Variants in PARD3B observed in about 807,000 individuals in gnomAD.
The protein encoded by PARD3B is partitioning defective 3 homolog B.
A neutral mutation model predicts 130.2 loss-of-function variants in PARD3B; 103 were observed. The ratio of observed to expected loss-of-function variants is 0.79; its 90% CI spans 0.67 to 0.93. The LOEUF is 0.93. Among genes scored for constraint, PARD3B ranks in the 40% least tolerant of loss-of-function variants. The pLI, the probability that PARD3B is intolerant of heterozygous loss-of-function variation, is 0.00. For missense variants in PARD3B, 1,609 were observed against 1,499.2 expected, an observed-to-expected ratio of 1.07 and a Z score of -1.21; for synonymous variants, 583 against 553.2, an observed-to-expected ratio of 1.05 and a Z score of -0.76.
intron 19 of PARD3B, among the ~76,000 whole-genome samples, chr2:205,414,255 A>G (rs774243692): frequency 1.3e-5 from 2 of 152,138 alleles, no homozygotes; most frequent in Non-Finnish European, 2.9e-5. Flanking sequence ...TTTCTAATCT[A>G]TATTCTCCTG....
At chr2:204,807,626 T>C (rs1444024677) in intron 2 of PARD3B, among the ~76,000 whole-genome samples, 1 of 152,116 alleles carries the variant, frequency 6.6e-6, no homozygotes, top group Non-Finnish European at 1.5e-5. Context: ...AAAGAAAATG[T>C]AGTGCATATA....
At chr2:205,582,584 A>G (rs556773473) in intron 22 of PARD3B, among the ~76,000 whole-genome samples, 69 of 152,188 alleles carry the variant, frequency 4.5e-4, no homozygotes, top group Non-Finnish European at 6.8e-4. Context: ...TAAATTCTCT[A>G]GACTAGATTA....
chr2:204,933,415 A>G (rs1028951558), intron 2 of PARD3B, among the ~76,000 whole-genome samples: 1 of 152,214 alleles, frequency 6.6e-6, no homozygotes, highest in Non-Finnish European at 1.5e-5. Context: ...GTAATTGGAA[A>G]TAGAGGAGTT....
intron 2 of PARD3B, among the ~76,000 whole-genome samples, chr2:204,894,448 T>G (rs966724287): frequency 1.3e-5 from 2 of 152,040 alleles, no homozygotes; most frequent in African/African-American, 4.8e-5. Flanking sequence ...TTTTTACTTT[T>G]TTTTTTTCAT....
intron 5 of PARD3B, among the ~76,000 whole-genome samples, chr2:205,109,765 T>A (rs1329607304): frequency 6.6e-6 from 1 of 151,472 alleles, no homozygotes; most frequent in Non-Finnish European, 1.5e-5. Context: ...GTGATTCTTA[T>A]GCCTCAGCCT....
intron 18 of PARD3B, among the ~76,000 whole-genome samples, chr2:205,333,008 CAG>C (rs2043191265): frequency 2.6e-5 from 4 of 151,990 alleles, no homozygotes; most frequent in Admixed American, 2.6e-4. Context: ...GAGTAGTAAA[CAG>C]ATTAATAGAA....
At chr2:205,219,415 C>G (rs938120372) in intron 15 of PARD3B, among the ~76,000 whole-genome samples, 6 of 152,140 alleles carry the variant, frequency 3.9e-5, no homozygotes, top group African/African-American at 1.4e-4. Flanking sequence ...TTAATAAACT[C>G]TAATAAACAA....
intron 10 of PARD3B, among the ~76,000 whole-genome samples, chr2:205,149,151 T>G (rs1359400076): frequency 6.6e-6 from 1 of 152,216 alleles, no homozygotes; most frequent in Non-Finnish European, 1.5e-5. Flanking sequence ...TCCATCTTCC[T>G]TCCTCTCTTT....
intron 2 of PARD3B, among the ~76,000 whole-genome samples, chr2:204,840,095 T>G (rs1052321793): frequency 2.0e-5 from 3 of 152,192 alleles, no homozygotes; most frequent in African/African-American, 7.2e-5. Context: ...TTATACAATT[T>G]ATACAATTTA....
intron 1 of PARD3B, among the ~76,000 whole-genome samples, chr2:204,584,711 G>C (rs539028127): frequency 6.6e-6 from 1 of 152,296 alleles, no homozygotes; most frequent in East Asian, 1.9e-4. Context: ...TTTTATAGAT[G>C]AGAAGATTCA....
intron 10 of PARD3B, among the ~76,000 whole-genome samples, chr2:205,157,333 A>T (rs183075438): frequency 1.5e-4 from 23 of 152,328 alleles, no homozygotes; most frequent in Admixed American, 1.4e-3. Flanking sequence ...GTAATAATAT[A>T]ATGAGTTAGC....
At chr2:205,206,250 T>A (rs1426828233) in intron 15 of PARD3B, among the ~76,000 whole-genome samples, 1 of 149,934 alleles carries the variant, frequency 6.7e-6, no homozygotes. Context: ...AGTTTTAGGG[T>A]ACATGTGCAC....
intron 20 of PARD3B, among the ~76,000 whole-genome samples, chr2:205,497,787 A>T (rs529453767): frequency 2.0e-4 from 30 of 152,106 alleles, no homozygotes; most frequent in Non-Finnish European, 3.4e-4. Flanking sequence ...CCCGTGAAAC[A>T]TAAGTGTCAT....
rs2040628647 is a variant in PARD3B, at chr2:205,269,329, T to C, written c.2185+23507T>C. On this transcript the variant is annotated intron_variant, in intron 16 of 22. Coordinates refer to ENST00000406610, the MANE Select transcript of PARD3B (RefSeq NM_001302769.2). The surrounding 1 kb of genome is among the most constrained non-coding windows in gnomAD (Gnocchi z 4.7). The stretch of plus-strand genomic sequence containing the variant: ...ATAATGACATACTCTTATAATTAAA[T>C]AGACTTATTTCAAACTGTTTCCCAA... 6.6e-6 allele frequency among the ~76,000 whole-genome samples: 1 copy of C among 152,184 alleles called. No individual in the cohort carries two copies. The highest frequency in any genetic ancestry group is 1.5e-5 in the Non-Finnish European group (1 of 68,008).
At chr2:205,427,823 C>G (rs1318619225) in intron 19 of PARD3B, among the ~76,000 whole-genome samples, 1 of 152,146 alleles carries the variant, frequency 6.6e-6, no homozygotes, top group Admixed American at 6.5e-5. Context: ...AAAAGAATTA[C>G]TTCAAGTGAC....
At chr2:205,152,783 C>T (rs2033851627) in intron 10 of PARD3B, among the ~76,000 whole-genome samples, 1 of 152,298 alleles carries the variant, frequency 6.6e-6, no homozygotes, top group Admixed American at 6.5e-5. Flanking sequence ...ATTCTTTGTC[C>T]AGCTTTGTTC....
chr2:205,264,346 G>C (rs547152560), intron 16 of PARD3B, among the ~76,000 whole-genome samples: 16 of 151,102 alleles, frequency 1.1e-4, no homozygotes, highest in African/African-American at 3.9e-4. Context: ...TGAAGGCAAA[G>C]GCAGTTACTA....
rs530564778 is a variant in PARD3B at position 205,138,771 on chromosome 2, A to G, written c.1434+13034A>G. On this transcript the variant is annotated intron_variant, in intron 10 of 22. Coordinates refer to ENST00000406610, the MANE Select transcript of PARD3B (RefSeq NM_001302769.2). ...TCTCTTCTTAGTGTTTGTTTGTTCC[A>G]TACTTCAGAATGTCTGGGGAACATT... Among the ~76,000 whole-genome samples, 25 of 152,338 alleles carry G rather than the reference A, an allele frequency of 1.6e-4. 1 individual carries two copies. Among genetic ancestry groups the G allele is most frequent in the African/African-American group, 5.1e-4 (21 of 41,578 alleles).
At chr2:204,978,965 CAAAA>C (rs34432147) in intron 3 of PARD3B, among the ~76,000 whole-genome samples, 213 of 74,912 alleles carry the variant, frequency 2.8e-3, no homozygotes, top group Non-Finnish European at 4.4e-3. Context: ...ACCCTGGCCT[CAAAA>C]AAAAAAAAAA....
Sources: gnomAD v4.1 joint callset for allele counts (sites outside exome capture counted in the v4.1 genomes callset) on GRCh38, gnomAD v4.1.1 for gene constraint, Gnocchi (gnomAD v3.1) non-coding constraint, MANE v1.5 for transcripts, NCBI Gene and HGNC (gene_info 2026-07-23, HGNC 2026-07-21) for gene names.